Variants in LRMDA observed in about 807,000 individuals in gnomAD.
The protein encoded by LRMDA is leucine rich melanocyte differentiation associated, also known as leucine-rich melanocyte differentiation-associated protein.
Under a neutral mutation model 29.8 loss-of-function variants are expected in LRMDA, and 18 were observed. The ratio of observed to expected loss-of-function variants is 0.60; its 90% confidence interval spans 0.42 to 0.90. LRMDA has a LOEUF of 0.90. Among genes scored for constraint, LRMDA ranks in the 40% least tolerant of loss-of-function variants. The pLI is 0.00. For missense variants in LRMDA, 273 were observed against 273.9 expected, an observed-to-expected ratio of 1.00 and a Z score of 0.02; for synonymous variants, 125 against 109.4, an observed-to-expected ratio of 1.14 and a Z score of -0.89.
At chr10:76,310,311 A>C (rs1417672361) in intron 5 of LRMDA, among the ~76,000 whole-genome samples, 2 of 152,170 alleles carry the variant, frequency 1.3e-5, no homozygotes, top group African/African-American at 4.8e-5. Context: ...ATCATCCTTA[A>C]TAAGGAAGAA....
intron 2 of LRMDA, among the ~76,000 whole-genome samples, chr10:75,846,301 A>C (rs139760556): frequency 3.5e-4 from 53 of 152,210 alleles, no homozygotes; most frequent in African/African-American, 1.2e-3. Flanking sequence ...ATTCAAAATA[A>C]TTAAAGGGAA....
intron 6 of LRMDA, among the ~76,000 whole-genome samples, chr10:76,428,607 C>T (rs1167043821): frequency 6.6e-6 from 1 of 152,134 alleles, no homozygotes; most frequent in Non-Finnish European, 1.5e-5. Context: ...GAGATTGCCA[C>T]TGGAGCTCAG....
intron 6 of LRMDA, among the ~76,000 whole-genome samples, chr10:76,540,916 T>G (rs756888365): frequency 6.6e-5 from 10 of 152,162 alleles, no homozygotes; most frequent in Non-Finnish European, 1.2e-4. Context: ...AATTACTTGT[T>G]TTAAATGCTT....
At chr10:75,769,169 G>A (rs998681627) in intron 2 of LRMDA, among the ~76,000 whole-genome samples, 4 of 152,156 alleles carry the variant, frequency 2.6e-5, no homozygotes, top group African/African-American at 9.7e-5. Flanking sequence ...GACAGCTACC[G>A]GAGACACACA....
intron 5 of LRMDA, among the ~76,000 whole-genome samples, chr10:76,157,289 A>G (rs16932930): frequency 0.16 from 23,994 of 152,068 alleles, 2,092 homozygotes; most frequent in East Asian, 0.24. Context: ...TTGCCATAGT[A>G]TATTTCAAAT....
chr10:76,255,568 G>A (rs760935192), intron 5 of LRMDA, among the ~76,000 whole-genome samples: 1 of 152,156 alleles, frequency 6.6e-6, no homozygotes, highest in Non-Finnish European at 1.5e-5. Flanking sequence ...AAAAGCAACT[G>A]TCATTTCACA....
chr10:75,640,619 G>A (rs910131178), intron 2 of LRMDA, among the ~76,000 whole-genome samples: 8 of 152,130 alleles, frequency 5.3e-5, no homozygotes, highest in Non-Finnish European at 8.8e-5. Flanking sequence ...AATCAGGGAG[G>A]GAAATAAATT....
At chr10:75,716,439 C>A (rs561128380) in intron 2 of LRMDA, among the ~76,000 whole-genome samples, 2 of 152,252 alleles carry the variant, frequency 1.3e-5, no homozygotes, top group South Asian at 4.2e-4. Flanking sequence ...TCTAAAGCAT[C>A]CTAAAGGGTA....
intron 2 of LRMDA, among the ~76,000 whole-genome samples, chr10:75,613,132 A>C (rs1468296798): frequency 6.9e-6 from 1 of 144,486 alleles, no homozygotes; most frequent in Non-Finnish European, 1.5e-5. Context: ...TTTTTTTTGT[A>C]GCAGTTAACT....
intron 6 of LRMDA, among the ~76,000 whole-genome samples, chr10:76,521,119 A>G (rs1589223611): frequency 6.9e-6 from 1 of 145,962 alleles, no homozygotes; most frequent in Admixed American, 7.0e-5. Context: ...GCTCCATTCT[A>G]TTCATTATTA....
At chr10:75,839,869 C>T (rs193181759) in intron 2 of LRMDA, among the ~76,000 whole-genome samples, 22 of 152,064 alleles carry the variant, frequency 1.4e-4, no homozygotes, top group African/African-American at 3.4e-4. Context: ...CCACCGCGCC[C>T]GGCTAAGTTT....
chr10:75,851,941 G>A (rs1319900590), intron 2 of LRMDA, among the ~76,000 whole-genome samples: 7 of 152,176 alleles, frequency 4.6e-5, no homozygotes, highest in African/African-American at 1.2e-4. Flanking sequence ...AGGTCCCTTC[G>A]GTTGAGATCC....
At chr10:75,894,707 C>G (rs1845554699) in intron 2 of LRMDA, among the ~76,000 whole-genome samples, 1 of 152,048 alleles carries the variant, frequency 6.6e-6, no homozygotes, top group Non-Finnish European at 1.5e-5. Context: ...AGATGGGGAG[C>G]ACTGCAAGAC....
chr10:75,909,333 T>C (rs1457416756), intron 2 of LRMDA, among the ~76,000 whole-genome samples: 1 of 152,188 alleles, frequency 6.6e-6, no homozygotes, highest in East Asian at 1.9e-4. Context: ...CTTCAGTTCA[T>C]ACAACAGAAA....
chr10:76,423,211 A>G (rs76269960), intron 6 of LRMDA, among the ~76,000 whole-genome samples: 3,010 of 152,240 alleles, frequency 0.02, 87 homozygotes, highest in South Asian at 0.13. Flanking sequence ...ACTGAGTAAC[A>G]TGGCAAAACC....
intron 2 of LRMDA, among the ~76,000 whole-genome samples, chr10:75,541,071 G>A (rs1366065825): frequency 1.3e-5 from 2 of 152,102 alleles, no homozygotes; most frequent in Non-Finnish European, 2.9e-5. Flanking sequence ...GTTGTTGCAG[G>A]AATGAGAACT....
chr10:76,375,067 A>G (rs542428315), intron 6 of LRMDA, among the ~76,000 whole-genome samples: 1 of 152,320 alleles, frequency 6.6e-6, no homozygotes, highest in African/African-American at 2.4e-5. Context: ...TTTCTTAACA[A>G]AGAAAAGAAA....
chr10:76,187,646 A>AT (rs1478238215), intron 5 of LRMDA, among the ~76,000 whole-genome samples: 1 of 152,192 alleles, frequency 6.6e-6, no homozygotes, highest in Non-Finnish European at 1.5e-5. Context: ...GCTTGAACTC[A>AT]ATGGATGTTA....
chr10:76,014,085 G>C (rs1847831840), intron 2 of LRMDA, among the ~76,000 whole-genome samples: 1 of 74,626 alleles, frequency 1.3e-5, no homozygotes, highest in African/African-American at 4.9e-5. Context: ...ATGGTCTGCT[G>C]TTTCTGTTTA....
Sources: allele counts gnomAD v4.1 joint callset (sites outside exome capture counted in the v4.1 genomes callset), GRCh38; gene constraint gnomAD v4.1.1; transcripts MANE v1.5; gene names NCBI Gene and HGNC (gene_info 2026-07-23, HGNC 2026-07-21).